Variants in NMT2 observed in about 807,000 individuals in gnomAD.
NMT2 encodes N-myristoyltransferase 2, also known as glycylpeptide N-tetradecanoyltransferase 2.
A neutral mutation model predicts 65.4 loss-of-function variants in NMT2; 35 were observed. That is an observed-to-expected ratio of 0.54 (90% CI 0.41 to 0.71). The LOEUF (loss-of-function observed/expected upper bound fraction) is 0.71, where lower values mean the gene tolerates loss of function less well. Ranked by LOEUF, NMT2 falls within the 30% of genes least tolerant of loss-of-function variation. The pLI is 0.00. For synonymous variants in NMT2, 226 were observed against 231.8 expected (o/e 0.98, Z 0.23); for missense variants, 489 against 611.3 (o/e 0.80, Z 2.11).
intron 1 of NMT2, among the ~76,000 whole-genome samples, chr10:15,144,893 C>T (rs1846909420): frequency 1.3e-5 from 2 of 152,144 alleles, no homozygotes; most frequent in South Asian, 2.1e-4. Context: ...CCATTACACT[C>T]GTAAGTACAT....
rs1342939078 is a variant in NMT2 at position 15,107,466 on chromosome 10, T to C, written c.*1729A>G. The C allele has an allele frequency of 2.0e-6, 2 of 985,048 alleles. No homozygotes were observed. The highest frequency in any genetic ancestry group is 2.4e-6 in the Non-Finnish European group (2 of 829,694). 61.0% of individuals were successfully genotyped at this position (985,048 alleles called of 1,614,324 possible). The stretch of plus-strand genomic sequence containing the variant: ...AGCAGGGAAAAGTATCTACTTTTGT[T>C]TTTTGAGACGGAGTCTTGCACTGTC... On this transcript the variant is annotated 3_prime_UTR_variant, in exon 12 of 12. Transcript: ENST00000378165.
chr10:15,148,358 A>C (rs990075987), intron 1 of NMT2, among the ~76,000 whole-genome samples: 1 of 152,124 alleles, frequency 6.6e-6, no homozygotes, highest in African/African-American at 2.4e-5. Flanking sequence ...AAAAATAAAA[A>C]ATTAGCTGGG....
chr10:15,107,329 TG>T lies in NMT2; in HGVS notation c.*1865del. ...CCACAGGCCATAGTTTGGTGGCCCC[TG>T]CCTGGGATAAGATATGATTGGTTTC... On this transcript the variant is annotated 3_prime_UTR_variant, in exon 12 of 12. Coordinates refer to ENST00000378165, the MANE Select transcript of NMT2 (RefSeq NM_004808.3). 2.0e-6 allele frequency: 2 copies of T among 985,230 alleles called. No individual in the cohort carries two copies. The highest frequency in any genetic ancestry group is 2.4e-6 in the Non-Finnish European group (2 of 829,728). The allele number at this position is 985,230 out of a possible 1,614,324, so 61.0% of individuals were successfully genotyped here.
At chr10:15,144,289 T>G (rs987769847) in intron 1 of NMT2, among the ~76,000 whole-genome samples, 1 of 152,204 alleles carries the variant, frequency 6.6e-6, no homozygotes, top group Non-Finnish European at 1.5e-5. Flanking sequence ...TCTGATAGCA[T>G]TTATACAATG....
chr10:15,114,464 A>C (rs958985685), intron 9 of NMT2, among the ~76,000 whole-genome samples: 5 of 152,184 alleles, frequency 3.3e-5, no homozygotes, highest in African/African-American at 1.2e-4. Flanking sequence ...AAACAAAACA[A>C]AACAAAAAAA....
intron 2 of NMT2, 140 bp from the exon 3 acceptor site, chr10:15,135,558 C>A: frequency 1.3e-6 from 1 of 799,870 alleles, no homozygotes; most frequent in Non-Finnish European, 2.0e-6. Flanking sequence ...AGGCCATGGG[C>A]TTGTGTGTTA....
intron 10 of NMT2, chr10:15,111,581 T>C (rs1845518383): frequency 1.3e-5 from 2 of 151,714 alleles, no homozygotes; most frequent in African/African-American, 4.8e-5. Flanking sequence ...GAAATATATT[T>C]ATGTAAAATT....
At chr10:15,135,245 GA>G (rs1488728631) in intron 3 of NMT2, 28 bp downstream of exon 3, 3 of 1,610,266 alleles carry the variant, frequency 1.9e-6, no homozygotes, top group South Asian at 1.1e-5. Context: ...TGTTTGTGGG[GA>G]AAAAAAGAGA....
chr10:15,109,639 G>C, intron 11 of NMT2, 63 bp downstream of exon 11: 1 of 1,273,374 alleles, frequency 7.9e-7, no homozygotes, highest in Non-Finnish European at 1.1e-6. Context: ...TCTAAGTGAA[G>C]CAAGTATGAA....
intron 7 of NMT2, among the ~76,000 whole-genome samples, 192 bp downstream of exon 7, chr10:15,129,950 G>T (rs891515427): frequency 9.4e-5 from 14 of 148,510 alleles, no homozygotes; most frequent in African/African-American, 3.5e-4. Context: ...AGCATCATTA[G>T]TAGGAAAATG....
At chr10:15,154,384 G>A (rs550796554) in intron 1 of NMT2, among the ~76,000 whole-genome samples, 2 of 152,190 alleles carry the variant, frequency 1.3e-5, no homozygotes, top group African/African-American at 4.8e-5. Flanking sequence ...TGCAGGCTGT[G>A]TGGTGACCTG....
chr10:15,159,486 C>T (rs1279745186), intron 1 of NMT2, among the ~76,000 whole-genome samples: 1 of 152,004 alleles, frequency 6.6e-6, no homozygotes, highest in Non-Finnish European at 1.5e-5. Context: ...AATCTCGGCT[C>T]ACTGCAGTAT....
chr10:15,120,981 A>G (rs1165022179), intron 8 of NMT2, among the ~76,000 whole-genome samples: 1 of 152,198 alleles, frequency 6.6e-6, no homozygotes, highest in Non-Finnish European at 1.5e-5. Context: ...AAGTCAGGAC[A>G]GGTCCCCATT....
chr10:15,167,773 ATGCGTGG>A (rs1382896981), intron 1 of NMT2, among the ~76,000 whole-genome samples: 6 of 152,228 alleles, frequency 3.9e-5, no homozygotes, highest in Admixed American at 3.9e-4. Context: ...AAGTGTGAAA[ATGCGTGG>A]TGCATCGAGT....
Position 15,108,182 on chromosome 10 carries a change from CTCTT to C in NMT2, c.*1009_*1012del, listed in dbSNP as rs968008027. The C allele has an allele frequency of 2.6e-4, 253 of 980,932 alleles. No individual in the cohort carries two copies. Among genetic ancestry groups the C allele is most frequent in the South Asian group, 4.2e-4 (9 of 21,238 alleles). 60.8% of individuals were successfully genotyped at this position (980,932 alleles called of 1,614,324 possible). The stretch of plus-strand genomic sequence containing the variant: ...AAGTCTAGTTAGTCGCGGGTACAGG[CTCTT>C]TCTTTTTTTTTTTTTTTGAGACGGA... On this transcript the variant is annotated 3_prime_UTR_variant, in exon 12 of 12. Coordinates refer to ENST00000378165, the MANE Select transcript of NMT2 (RefSeq NM_004808.3).
At position 15,107,959 on chromosome 10, in the gene NMT2, A is replaced by G. The variant is rs975438795; in HGVS notation, c.*1236T>C. The G allele has an allele frequency of 1.0e-6, 1 of 985,362 alleles. No individual in the cohort carries two copies. Among genetic ancestry groups the G allele is most frequent in the African/African-American group, 1.7e-5 (1 of 57,236 alleles). 61.0% of individuals were successfully genotyped at this position (985,362 alleles called of 1,614,324 possible). ...ACATTTTCCATTAGCATGACACATG[A>G]CAGTTTTCATGATAAAATCAGCATA... is the stretch of plus-strand genomic sequence containing the variant. On this transcript the variant is annotated 3_prime_UTR_variant, in exon 12 of 12. Transcript: ENST00000378165.
intron 3 of NMT2, 70 bp downstream of exon 3, chr10:15,135,204 G>C (rs530027828): frequency 7.2e-5 from 98 of 1,360,974 alleles, no homozygotes; most frequent in Non-Finnish European, 9.6e-5. Flanking sequence ...TGTTGTTGTT[G>C]TTGTTGTTGT....
At chr10:15,126,601 T>A (rs1394075357) in intron 8 of NMT2, among the ~76,000 whole-genome samples, 1 of 152,190 alleles carries the variant, frequency 6.6e-6, no homozygotes, top group Non-Finnish European at 1.5e-5. Flanking sequence ...GAATCCAACA[T>A]GGCAAAGAAC....
In NMT2 at chr10:15,130,228, C is replaced by G; in HGVS notation, c.804G>C (p.Glu268Asp). ...CTTCCAGGTTCACTCTTCTAGTGATCTCTCGGATTAGCACTGGGGCTACCC... is the reference window on the plus strand; with the variant it reads ...CTTCCAGGTTCACTCTTCTAGTGATGTCTCGGATTAGCACTGGGGCTACCC... ...SKRVAPVLIR[E>D]ITRRVNLEGI... The change falls in exon 7 of 12, where the codon GAG becomes GAC. Residue 268 changes from glutamate (E) to aspartate (D), a missense_variant. Coordinates refer to ENST00000378165, the MANE Select transcript of NMT2 (RefSeq NM_004808.3). 1 of 1,609,858 alleles carries G rather than the reference C, an allele frequency of 6.2e-7. No individual in the cohort carries two copies. The highest frequency in any genetic ancestry group is 8.5e-7 in the Non-Finnish European group (1 of 1,177,838).
Sources: gnomAD v4.1 joint callset for allele counts (sites outside exome capture counted in the v4.1 genomes callset) on GRCh38, gnomAD v4.1.1 for gene constraint, MANE v1.5 for transcripts, NCBI Gene and HGNC (gene_info 2026-07-23, HGNC 2026-07-21) for gene names.